The following ZNF704 variants were observed in gnomAD, a reference collection of about 807,000 sequenced individuals.
ZNF704 encodes the protein glucocorticoid induced gene 1.
In ZNF704, 10 loss-of-function variants were observed where a neutral mutation model predicts 44.7. That is an observed-to-expected ratio of 0.22 (90% CI 0.14 to 0.38). ZNF704 has a LOEUF of 0.38. ZNF704 is among the 10% of genes least tolerant of loss of function. The probability of loss-of-function intolerance (pLI) is 1.00; values close to 1 mark genes in which losing one functional copy is unlikely to be tolerated. For synonymous variants in ZNF704, 211 were observed against 207.6 expected (o/e 1.02, Z -0.14); for missense variants, 390 against 545.5 (o/e 0.71, Z 2.84).
chr8:80,681,911 C>T (rs530785388), intron 4 of ZNF704, among the ~76,000 whole-genome samples: 1 of 152,260 alleles, frequency 6.6e-6, no homozygotes, highest in East Asian at 1.9e-4. Flanking sequence ...CACTAAGTTA[C>T]CTAGATATCA....
chr8:80,735,252 C>A (rs1243355658), intron 2 of ZNF704, among the ~76,000 whole-genome samples: 1 of 152,228 alleles, frequency 6.6e-6, no homozygotes, highest in Non-Finnish European at 1.5e-5. Flanking sequence ...TTCCTCCTTA[C>A]CTATCCAAAC....
rs1439694837 is a variant in ZNF704 at position 80,641,335 on chromosome 8, A to C, written c.*31T>G. The C allele has an allele frequency of 8.4e-6, 12 of 1,429,078 alleles. No individual in the cohort carries two copies. The highest frequency in any genetic ancestry group is 5.7e-6 in the Non-Finnish European group (6 of 1,047,340). 88.5% of individuals were successfully genotyped at this position (1,429,078 alleles called of 1,614,324 possible). A position where few individuals can be genotyped will look rare whatever the true frequency, so the allele number is the denominator to read the frequency against. On this transcript the variant is annotated 3_prime_UTR_variant, in exon 9 of 9. Coordinates refer to ENST00000327835, the MANE Select transcript of ZNF704 (RefSeq NM_001033723.3). ...TGGCAGGCCAGGGCAGGAGCGGCTC[A>C]GGGCCCTGAGCCCCTCTGCCTGGGG...
chr8:80,710,347 C>T (rs1464155714), intron 2 of ZNF704, among the ~76,000 whole-genome samples: 1 of 152,106 alleles, frequency 6.6e-6, no homozygotes, highest in South Asian at 2.1e-4. Context: ...TCAGTTACTC[C>T]TCTTAAGTCT....
At chr8:80,719,530 T>C in intron 2 of ZNF704, among the ~76,000 whole-genome samples, 1 of 152,132 alleles carries the variant, frequency 6.6e-6, no homozygotes, top group Non-Finnish European at 1.5e-5. Flanking sequence ...CACCGGTCAA[T>C]TATCACAAAG....
At position 80,823,240 on chromosome 8, in the gene ZNF704, A is replaced by G. The variant is rs557283745; in HGVS notation, c.-21-1625T>C. The stretch of plus-strand genomic sequence containing the variant: ...CTCACCCTAACACTGCGCTTTTCCA[A>G]TGGCCTTAGCAAACAGCACACCAGG... On this transcript the variant is annotated intron_variant, in intron 1 of 8. Coordinates refer to ENST00000327835, the MANE Select transcript of ZNF704 (RefSeq NM_001033723.3). Among the ~76,000 whole-genome samples the G allele has an allele frequency of 2.0e-5, 3 of 152,316 alleles. No homozygotes were observed. In the East Asian group the frequency reaches 5.8e-4, roughly 29 times the overall value.
intron 2 of ZNF704, among the ~76,000 whole-genome samples, chr8:80,701,235 AC>A (rs1486072586): frequency 1.3e-5 from 2 of 152,022 alleles, no homozygotes; most frequent in Non-Finnish European, 2.9e-5. Flanking sequence ...CATCCTCGGC[AC>A]GCATCCTACC....
intron 2 of ZNF704, among the ~76,000 whole-genome samples, chr8:80,803,405 G>T (rs1467040541): frequency 1.3e-5 from 2 of 152,124 alleles, no homozygotes; most frequent in Non-Finnish European, 1.5e-5. Flanking sequence ...AACAAAGCTG[G>T]AGGCATTACA....
At chr8:80,675,152 TAGA>T (rs550828463) in intron 4 of ZNF704, among the ~76,000 whole-genome samples, 104 of 152,292 alleles carry the variant, frequency 6.8e-4, no homozygotes, top group African/African-American at 2.3e-3. Flanking sequence ...ATGAGGCCTG[TAGA>T]AGGTGACTAT....
At chr8:80,760,740 G>A (rs1255826176) in intron 2 of ZNF704, among the ~76,000 whole-genome samples, 1 of 150,028 alleles carries the variant, frequency 6.7e-6, no homozygotes, top group Non-Finnish European at 1.5e-5. Context: ...CATTTATAAA[G>A]AAAAGAGTCA....
chr8:80,832,772 A>T (rs1563569948), intron 1 of ZNF704, among the ~76,000 whole-genome samples: 1 of 152,202 alleles, frequency 6.6e-6, no homozygotes, highest in Non-Finnish European at 1.5e-5. Flanking sequence ...TTGGCTGAGC[A>T]ACTCTTTAAG....
chr8:80,790,289 C>T (rs1264100859), intron 2 of ZNF704, among the ~76,000 whole-genome samples: 3 of 152,034 alleles, frequency 2.0e-5, no homozygotes, highest in East Asian at 1.9e-4. Context: ...GACTCCGTGG[C>T]CTAGAGTTAC....
At chr8:80,760,847 G>C (rs1008311563) in intron 2 of ZNF704, among the ~76,000 whole-genome samples, 1 of 151,960 alleles carries the variant, frequency 6.6e-6, no homozygotes, top group Non-Finnish European at 1.5e-5. Flanking sequence ...GTGGAAGCAG[G>C]CATGTCACAT....
chr8:80,649,778 A>T (rs527714057), intron 7 of ZNF704, among the ~76,000 whole-genome samples: 1 of 152,358 alleles, frequency 6.6e-6, no homozygotes, highest in East Asian at 1.9e-4. Flanking sequence ...AACTTTGCAG[A>T]CTTAAATGTC....
chr8:80,751,911 G>T (rs1044936805), intron 2 of ZNF704, among the ~76,000 whole-genome samples: 31 of 152,026 alleles, frequency 2.0e-4, no homozygotes, highest in Non-Finnish European at 4.3e-4. Context: ...CAGCTAATTT[G>T]TGTATTTTTT....
intron 2 of ZNF704, among the ~76,000 whole-genome samples, chr8:80,750,357 T>TAA (rs5892739): frequency 1.7e-3 from 245 of 146,904 alleles, no homozygotes; most frequent in Non-Finnish European, 3.1e-3. Context: ...GTAGCTACAC[T>TAA]AAAAAAAAAA....
intron 2 of ZNF704, among the ~76,000 whole-genome samples, chr8:80,709,016 G>A (rs1197046332): frequency 6.6e-6 from 1 of 151,996 alleles, no homozygotes; most frequent in Non-Finnish European, 1.5e-5. Context: ...TAAAAATATA[G>A]AGAAAAAAGT....
intron 2 of ZNF704, among the ~76,000 whole-genome samples, chr8:80,786,384 C>G (rs1281223635): frequency 2.0e-5 from 3 of 152,144 alleles, no homozygotes; most frequent in Non-Finnish European, 4.4e-5. Context: ...TGTCTGAGGC[C>G]GACTGATTTT....
chr8:80,859,075 T>C (rs910403523), intron 1 of ZNF704, among the ~76,000 whole-genome samples: 1 of 152,232 alleles, frequency 6.6e-6, no homozygotes, highest in African/African-American at 2.4e-5. Flanking sequence ...TGTGAATTTG[T>C]CTATTTCTCT....
intron 2 of ZNF704, among the ~76,000 whole-genome samples, chr8:80,727,144 C>T (rs1003813388): frequency 6.6e-6 from 1 of 152,140 alleles, no homozygotes; most frequent in Non-Finnish European, 1.5e-5. Flanking sequence ...TAACCACAAC[C>T]TATACTGCCA....
Sources: gnomAD v4.1 joint callset for allele counts (sites outside exome capture counted in the v4.1 genomes callset) on GRCh38, gnomAD v4.1.1 for gene constraint, MANE v1.5 for transcripts, NCBI Gene and HGNC (gene_info 2026-07-23, HGNC 2026-07-21) for gene names.